The following FSTL4 variants were observed in gnomAD, a reference collection of about 807,000 sequenced individuals.
FSTL4 encodes the protein follistatin like 4.
FSTL4 carries 28 observed loss-of-function variants against 78.2 expected under a neutral mutation model. The ratio of observed to expected loss-of-function variants is 0.36; its 90% CI spans 0.27 to 0.49. The LOEUF is 0.49. FSTL4 is among the 20% of genes least tolerant of loss of function. The probability of loss-of-function intolerance (pLI) is 0.98; values close to 1 mark genes in which losing one functional copy is unlikely to be tolerated. For missense variants in FSTL4, 922 were observed against 1,084.9 expected (o/e 0.85, Z 2.11); for synonymous variants, 422 against 440.5 (o/e 0.96, Z 0.53).
intron 4 of FSTL4, among the ~76,000 whole-genome samples, chr5:133,389,790 G>A (rs1447254117): frequency 6.6e-6 from 1 of 152,138 alleles, no homozygotes; most frequent in Non-Finnish European, 1.5e-5. Flanking sequence ...CTGGATATAA[G>A]TAAAGATCTC....
At chr5:133,508,580 T>C (rs1401344545) in intron 3 of FSTL4, among the ~76,000 whole-genome samples, 2 of 152,210 alleles carry the variant, frequency 1.3e-5, no homozygotes, top group Admixed American at 1.3e-4. Flanking sequence ...ATGCGGTCTG[T>C]TGTCAACTGA....
intron 6 of FSTL4, among the ~76,000 whole-genome samples, chr5:133,254,869 C>A (rs773642025): frequency 6.6e-6 from 1 of 152,196 alleles, no homozygotes; most frequent in Non-Finnish European, 1.5e-5. Context: ...GTTCAGTGAT[C>A]ACACATCTCC....
At chr5:133,560,498 G>C (rs1483025306) in intron 3 of FSTL4, among the ~76,000 whole-genome samples, 1 of 151,940 alleles carries the variant, frequency 6.6e-6, no homozygotes, top group Non-Finnish European at 1.5e-5. Context: ...TGAGTAGCTG[G>C]GACTACAGGC....
In FSTL4 at chr5:133,199,116, C is replaced by A. The variant is rs147903709; in HGVS notation, c.2508G>T (p.Val836=). Residue 836 remains valine, a synonymous_variant, in exon 16 of 16, where the codon GTG becomes GTT. Transcript: ENST00000265342. This position sits in a 1 kb window ranked among gnomAD's most constrained non-coding sequence, Gnocchi z 4.4. The part of the protein sequence containing the change: ...EVSGIKGGTT[V]VWVGEV ...CCCTTCATACCTCACCCACCCACACCACTGTGGTCCCCCCCTTTATACCTG... is the reference window on the plus strand; with the variant it reads ...CCCTTCATACCTCACCCACCCACACAACTGTGGTCCCCCCCTTTATACCTG... 6.4e-7 allele frequency: 1 copy of A among 1,555,946 alleles called. No homozygotes were observed.
chr5:133,205,504 G>A (rs1750469566), intron 14 of FSTL4, among the ~76,000 whole-genome samples: 1 of 152,000 alleles, frequency 6.6e-6, no homozygotes, highest in African/African-American at 2.4e-5. Flanking sequence ...GTTAGACAAG[G>A]ACATGGGTCC....
rs1581578186 is a variant in FSTL4 at position 133,262,003 on chromosome 5, A to G, written c.728-12427T>C. ...GAGTGAGACCTAGTCTCAAAAAAAA[A>G]AAAAAAGTGACAGAATAGACTCTTT... On this transcript the variant is annotated intron_variant, in intron 6 of 15. Transcript: ENST00000265342. 4.6e-5 allele frequency among the ~76,000 whole-genome samples: 7 copies of G among 152,242 alleles called. No homozygotes were observed. In the East Asian group the frequency reaches 1.4e-3, roughly 29 times the overall value.
At chr5:133,401,112 C>T (rs1267656508) in intron 3 of FSTL4, 126 bp from the exon 4 acceptor site, 3 of 1,121,262 alleles carry the variant, frequency 2.7e-6, no homozygotes, top group South Asian at 1.5e-5. Context: ...CAAGGTGGGG[C>T]CTGGGGGCTT....
At chr5:133,475,912 G>A (rs914428003) in intron 3 of FSTL4, among the ~76,000 whole-genome samples, 1 of 152,142 alleles carries the variant, frequency 6.6e-6, no homozygotes, top group Admixed American at 6.5e-5. Context: ...CTGAGTGGTG[G>A]AACTGGCTTT....
intron 2 of FSTL4, among the ~76,000 whole-genome samples, chr5:133,571,967 G>A (rs1393381404): frequency 6.6e-6 from 1 of 152,084 alleles, no homozygotes; most frequent in African/African-American, 2.4e-5. Flanking sequence ...GAGAAAATGG[G>A]CAGAATCAAT....
the FSTL4 span, among the ~76,000 whole-genome samples, chr5:133,678,562 C>CAT: frequency 6.0e-5 from 9 of 149,932 alleles, no homozygotes; most frequent in South Asian, 2.1e-4. Flanking sequence ...TGTGTTTGAG[C>CAT]GTGTGTGTGT....
chr5:133,485,168 G>A lies in FSTL4; in HGVS notation c.160+82018C>T, dbSNP rs191923205. ...AAAATAATTTCATGAGACATTCTAA[G>A]AGTTTCTTTCAATGGCCACAAAGAG... On this transcript the variant is annotated intron_variant, in intron 3 of 15. Coordinates refer to ENST00000265342, the MANE Select transcript of FSTL4 (RefSeq NM_015082.2). Among the ~76,000 whole-genome samples, 392 of 152,322 alleles carry A rather than the reference G, an allele frequency of 2.6e-3. 3 individuals carry two copies. Among genetic ancestry groups the A allele is most frequent in the Non-Finnish European group, 4.5e-3 (303 of 68,028 alleles).
At position 133,598,866 on chromosome 5, in the gene FSTL4, A is replaced by T. The variant is rs1195372903; in HGVS notation, c.126+4992T>A. Among the ~76,000 whole-genome samples the T allele has an allele frequency of 2.0e-5, 3 of 152,240 alleles. 1 individual carries two copies. The highest frequency in any genetic ancestry group is 7.2e-5 in the African/African-American group (3 of 41,462). On this transcript the variant is annotated intron_variant, in intron 2 of 15. Transcript: ENST00000265342. Reference sequence around the variant, plus strand: ...GTGGCAGAAAAGCCATGAGAGATGCACACGTACTGTAGGTGAGGCTTAAGA... The same window carrying T: ...GTGGCAGAAAAGCCATGAGAGATGCTCACGTACTGTAGGTGAGGCTTAAGA...
the FSTL4 span, among the ~76,000 whole-genome samples, chr5:133,700,990 C>T: frequency 4.6e-5 from 7 of 152,274 alleles, no homozygotes; most frequent in South Asian, 2.1e-4. Flanking sequence ...CAGACGCAGG[C>T]GGAAAATTAG....
chr5:133,408,450 G>A (rs560708619), intron 3 of FSTL4, among the ~76,000 whole-genome samples: 4 of 152,188 alleles, frequency 2.6e-5, no homozygotes, highest in African/African-American at 9.6e-5. Flanking sequence ...GAGACAGAGA[G>A]AACTTTCTCC....
At chr5:133,704,569 C>A in the FSTL4 span, among the ~76,000 whole-genome samples, 64 of 152,356 alleles carry the variant, frequency 4.2e-4, no homozygotes, top group Non-Finnish European at 7.9e-4. Context: ...ATTGTTCTTA[C>A]AAGGTAAGAA....
intron 3 of FSTL4, among the ~76,000 whole-genome samples, chr5:133,419,075 G>A (rs1200330394): frequency 6.6e-6 from 1 of 152,148 alleles, no homozygotes; most frequent in East Asian, 1.9e-4. Flanking sequence ...ACATCGATAG[G>A]TTTTAGCTTC....
intron 12 of FSTL4, among the ~76,000 whole-genome samples, chr5:133,219,928 A>G (rs1340351640): frequency 6.6e-6 from 1 of 152,266 alleles, no homozygotes; most frequent in African/African-American, 2.4e-5. Flanking sequence ...ACACTTCTAA[A>G]AAATAATGAA....
intron 3 of FSTL4, among the ~76,000 whole-genome samples, chr5:133,534,898 C>A (rs1341856391): frequency 6.6e-6 from 1 of 152,140 alleles, no homozygotes. Context: ...TGTGAGCCAA[C>A]CTGCCTCTTA....
chr5:133,271,901 A>G (rs1021917678), intron 6 of FSTL4, among the ~76,000 whole-genome samples: 13 of 152,204 alleles, frequency 8.5e-5, no homozygotes, highest in African/African-American at 3.1e-4. Context: ...AGAGGGAGGG[A>G]GGGATGCAGG....
Sources: gnomAD v4.1 joint callset for allele counts (sites outside exome capture counted in the v4.1 genomes callset) on GRCh38, gnomAD v4.1.1 for gene constraint, Gnocchi (gnomAD v3.1) non-coding constraint, MANE v1.5 for transcripts, NCBI Gene and HGNC (gene_info 2026-07-23, HGNC 2026-07-21) for gene names.